The following CSTPP1 variants were observed in gnomAD, a reference collection of about 807,000 sequenced individuals.
The protein encoded by CSTPP1 is UPF0705 protein C11orf49.
chr11:47,018,567 A>C, the CSTPP1 span, among the ~76,000 whole-genome samples: 1 of 152,160 alleles, frequency 6.6e-6, no homozygotes, highest in East Asian at 1.9e-4. Flanking sequence ...TGCTGGGATT[A>C]CAGGCATGAG....
chr11:47,124,497 T>C, the CSTPP1 span, among the ~76,000 whole-genome samples: 1 of 152,190 alleles, frequency 6.6e-6, no homozygotes, highest in African/African-American at 2.4e-5. Flanking sequence ...TAAAAATAGG[T>C]TATACATGAA....
chr11:46,936,937 G>C, the CSTPP1 span: 1 of 1,362,472 alleles, frequency 7.3e-7, no homozygotes, highest in Non-Finnish European at 9.6e-7. Flanking sequence ...CGGGGTCTGA[G>C]TGGGATCGGG....
chr11:47,053,137 G>A, the CSTPP1 span: 1 of 152,380 alleles, frequency 6.6e-6, no homozygotes, highest in Admixed American at 6.5e-5. Flanking sequence ...GGAAGAGTAG[G>A]AATCATTCAC....
At chr11:47,160,327 CTCAT>C in the CSTPP1 span, 1 of 150,628 alleles carries the variant, frequency 6.6e-6, no homozygotes, top group East Asian at 2.0e-4. Context: ...AAAAGTCACT[CTCAT>C]TCAACCACTT....
the CSTPP1 span, among the ~76,000 whole-genome samples, chr11:47,102,006 C>T: frequency 7.2e-5 from 11 of 152,142 alleles, no homozygotes; most frequent in Admixed American, 4.6e-4. Flanking sequence ...CCAATCACTA[C>T]CGTCCTCTGG....
chr11:47,054,203 C>T, the CSTPP1 span, among the ~76,000 whole-genome samples: 256 of 145,694 alleles, frequency 1.8e-3, no homozygotes, highest in African/African-American at 6.3e-3. Flanking sequence ...CCCAGCTACC[C>T]GGGAGGCTGA....
At chr11:47,062,059 T>C in the CSTPP1 span, among the ~76,000 whole-genome samples, 2 of 152,126 alleles carry the variant, frequency 1.3e-5, no homozygotes, top group African/African-American at 4.8e-5. Context: ...AAAGGTCAGG[T>C]CCTTAAAGAA....
chr11:46,967,639 A>G, the CSTPP1 span, among the ~76,000 whole-genome samples: 1 of 152,138 alleles, frequency 6.6e-6, no homozygotes, highest in Non-Finnish European at 1.5e-5. Flanking sequence ...TCTTAGGAGG[A>G]TTAAATGAAT....
At chr11:47,054,954 T>C in the CSTPP1 span, among the ~76,000 whole-genome samples, 1 of 146,418 alleles carries the variant, frequency 6.8e-6, no homozygotes, top group Non-Finnish European at 1.5e-5. Flanking sequence ...TTTTTTTTTT[T>C]TTTGGAGACA....
At chr11:47,013,135 A>G in the CSTPP1 span, among the ~76,000 whole-genome samples, 2 of 147,976 alleles carry the variant, frequency 1.4e-5, no homozygotes, top group Non-Finnish European at 3.0e-5. Context: ...CATATAGCAT[A>G]TATAACCATA....
chr11:47,142,770 G>C, the CSTPP1 span, among the ~76,000 whole-genome samples: 1 of 152,280 alleles, frequency 6.6e-6, no homozygotes, highest in Non-Finnish European at 1.5e-5. Context: ...TTTGAGTGTA[G>C]GTGGTAGAAT....
At chr11:47,087,747 T>C in the CSTPP1 span, among the ~76,000 whole-genome samples, 3 of 152,116 alleles carry the variant, frequency 2.0e-5, no homozygotes, top group Non-Finnish European at 2.9e-5. Context: ...GAATTAGTTA[T>C]CTATTTCTGT....
At chr11:47,036,431 G>T in the CSTPP1 span, among the ~76,000 whole-genome samples, 1 of 115,470 alleles carries the variant, frequency 8.7e-6, no homozygotes, top group African/African-American at 2.6e-5. Flanking sequence ...ATACCCTCAG[G>T]CTAAAACAAC....
chr11:47,117,687 G>A, the CSTPP1 span, among the ~76,000 whole-genome samples: 7 of 152,028 alleles, frequency 4.6e-5, no homozygotes, highest in African/African-American at 1.4e-4. Flanking sequence ...GCCTTGCTAG[G>A]TTGGGGAAGT....
the CSTPP1 span, chr11:47,155,041 G>C: frequency 2.6e-6 from 2 of 768,130 alleles, no homozygotes; most frequent in Admixed American, 1.9e-5. Context: ...GCTGCCCCAG[G>C]GGAGACTGGC....
chr11:47,153,914 A>G, the CSTPP1 span, among the ~76,000 whole-genome samples: 1 of 152,168 alleles, frequency 6.6e-6, no homozygotes, highest in African/African-American at 2.4e-5. Context: ...AGAGAGATTT[A>G]GAAAAATATG....
the CSTPP1 span, chr11:46,936,887 G>A: frequency 3.3e-6 from 5 of 1,537,040 alleles, no homozygotes; most frequent in African/African-American, 1.4e-5. Context: ...AGGGAAAGAC[G>A]TGCAGACGAA....
chr11:47,053,529 A>T, the CSTPP1 span, among the ~76,000 whole-genome samples: 1 of 150,726 alleles, frequency 6.6e-6, no homozygotes, highest in Non-Finnish European at 1.5e-5. Context: ...TGAGGAACGA[A>T]AATCGTTTGA....
At chr11:46,963,469 A>G in the CSTPP1 span, among the ~76,000 whole-genome samples, 1 of 152,122 alleles carries the variant, frequency 6.6e-6, no homozygotes, top group African/African-American at 2.4e-5. Context: ...AAAAAAAGAA[A>G]ACACATTTAA....
Sources: gnomAD v4.1 joint callset for allele counts (sites outside exome capture counted in the v4.1 genomes callset) on GRCh38, gnomAD v4.1.1 for gene constraint, MANE v1.5 for transcripts, NCBI Gene and HGNC (gene_info 2026-07-23, HGNC 2026-07-21) for gene names.